The following MED17 variants were observed in gnomAD, a reference collection of about 807,000 sequenced individuals.
MED17 encodes the protein mediator of RNA polymerase II transcription subunit 17.
A neutral mutation model predicts 80.8 loss-of-function variants in MED17; 49 were observed. The observed-to-expected ratio is 0.61, with a 90% CI of 0.48 to 0.77. The LOEUF (loss-of-function observed/expected upper bound fraction) is 0.77, where lower values mean the gene tolerates loss of function less well. MED17 is among the 30% of genes least tolerant of loss of function. The pLI is 0.00. For synonymous variants in MED17, 281 were observed against 280.4 expected (o/e 1.00, Z -0.02); for missense variants, 718 against 787.0 (o/e 0.91, Z 1.05).
chr11:93,809,528 C>T, intron 10 of MED17, 189 bp from the exon 11 acceptor site: 1 of 645,610 alleles, frequency 1.5e-6, no homozygotes, highest in East Asian at 2.8e-5. Flanking sequence ...GCAACTTTAG[C>T]TTTGGCAGTG....
chr11:93,791,610 G>A (rs1224113560), intron 3 of MED17, among the ~76,000 whole-genome samples: 2 of 152,036 alleles, frequency 1.3e-5, no homozygotes, highest in Admixed American at 1.3e-4. Context: ...GGAGGCTGAG[G>A]CAGGATGATC....
At chr11:93,804,195 G>C (rs1298896044) in intron 9 of MED17, among the ~76,000 whole-genome samples, 1 of 151,890 alleles carries the variant, frequency 6.6e-6, no homozygotes, top group East Asian at 1.9e-4. Flanking sequence ...TCAAGGGCAA[G>C]AAGCATCCAG....
intron 2 of MED17, chr11:93,788,636 G>A (rs182416481): frequency 6.7e-6 from 1 of 149,172 alleles, no homozygotes; most frequent in Non-Finnish European, 1.5e-5. Flanking sequence ...AGCTGAGATC[G>A]CGCCACTGCA....
rs1943966811 is a variant in MED17 at position 93,801,905 on chromosome 11, A to G, written c.1399A>G (p.Ile467Val). 6.2e-7 allele frequency: 1 copy of G among 1,613,464 alleles called. No homozygotes were observed. Among genetic ancestry groups the G allele is most frequent in the East Asian group, 2.2e-5 (1 of 44,854 alleles). The change falls in exon 9 of 12, where the codon ATC (isoleucine) becomes GTC (valine). Residue 467 changes from isoleucine (I) to valine (V), a missense_variant. Physicochemically the swap from Ile to Val is conservative, Grantham distance 29. Transcript: ENST00000251871. ...DPQIQAHWSN[I>V]NDVYESSVKV... The stretch of plus-strand genomic sequence containing the variant: ...TCAGATACAGGCTCATTGGTCAAAT[A>G]TCAATGATGTTTATGAATCTAGTGT...
At position 93,790,599 on chromosome 11, in the gene MED17, C is replaced by A. The variant is rs752096341; in HGVS notation, c.443C>A (p.Ser148Tyr). ...AATCCTCAGACGTTGCAATTGATAT[C>A]TAAAAAGAAGTCACTTGCTGGAGCA... ...KQNPQTLQLI[S>Y]KKKSLAGAAQ... Residue 148 changes from serine (S) to tyrosine (Y), a missense_variant, in exon 3 of 12, where the codon TCT becomes TAT. By Grantham distance (144) the Ser-to-Tyr change is moderately radical. Transcript: ENST00000251871. 7.4e-6 allele frequency: 12 copies of A among 1,614,066 alleles called. No homozygotes were observed. Among genetic ancestry groups the A allele is most frequent in the Non-Finnish European group, 9.3e-6 (11 of 1,180,000 alleles).
chr11:93,806,063 C>T (rs1944021860), intron 9 of MED17: 1 of 147,516 alleles, frequency 6.8e-6, no homozygotes, highest in South Asian at 2.2e-4. Context: ...CTCACTGCAA[C>T]CTCTGCCTCC....
intron 7 of MED17, among the ~76,000 whole-genome samples, chr11:93,796,758 G>A (rs779760019): frequency 1.8e-4 from 27 of 152,170 alleles, no homozygotes; most frequent in Admixed American, 8.5e-4. Context: ...AGATACACAG[G>A]TTTTCAAGTA....
At position 93,809,563 on chromosome 11, in the gene MED17, C is replaced by A. The variant is rs534422899; in HGVS notation, c.1585-154C>A. 7.9e-5 allele frequency: 61 copies of A among 773,870 alleles called. 1 individual carries two copies. The African/African-American group carries it at 8.5e-4, about 11-fold the overall frequency. The allele number at this position is 773,870 out of a possible 1,614,324, so 47.9% of individuals were successfully genotyped here. A position where few individuals can be genotyped will look rare whatever the true frequency, so the allele number is the denominator to read the frequency against. ...GGAAGGTGGAGTCCTATTCCCTCCCCCTAAGTTACGCACAGGAGGATTCCT... is the reference window on the plus strand; with the variant it reads ...GGAAGGTGGAGTCCTATTCCCTCCCACTAAGTTACGCACAGGAGGATTCCT... On this transcript the variant is annotated intron_variant, in intron 10 of 11. Transcript: ENST00000251871.
At position 93,788,453 on chromosome 11, in the gene MED17, G is replaced by A. The variant is rs563191988; in HGVS notation, c.417+286G>A. Reference sequence around the variant, plus strand: ...TCCCAGCACTTTGGGAGGCCAAGGCGGGCAGATCACGAGGTCAGGAGATCG... The same window carrying A: ...TCCCAGCACTTTGGGAGGCCAAGGCAGGCAGATCACGAGGTCAGGAGATCG... On this transcript the variant is annotated intron_variant, in intron 2 of 11. Coordinates refer to ENST00000251871, the MANE Select transcript of MED17 (RefSeq NM_004268.5). 56 of 289,218 alleles carry A rather than the reference G, an allele frequency of 1.9e-4. 2 individuals are homozygous for A. Among genetic ancestry groups the A allele is most frequent in the Admixed American group, 1.8e-3 (37 of 20,668 alleles). 17.9% of individuals were successfully genotyped at this position (289,218 alleles called of 1,614,324 possible).
At chr11:93,804,209 G>C (rs893315231) in intron 9 of MED17, among the ~76,000 whole-genome samples, 2 of 151,808 alleles carry the variant, frequency 1.3e-5, no homozygotes, top group Non-Finnish European at 2.9e-5. Flanking sequence ...CATCCAGCAC[G>C]AGAGAAAGAT....
At chr11:93,804,923 T>C (rs1431034787) in intron 9 of MED17, among the ~76,000 whole-genome samples, 4 of 152,232 alleles carry the variant, frequency 2.6e-5, no homozygotes, top group African/African-American at 9.6e-5. Flanking sequence ...AAAAACTATA[T>C]ACAGGAAATG....
chr11:93,787,328 G>A (rs938889051), intron 1 of MED17, among the ~76,000 whole-genome samples: 3 of 152,150 alleles, frequency 2.0e-5, no homozygotes, highest in African/African-American at 7.2e-5. Flanking sequence ...CAGGAGAATG[G>A]CATGAATCCG....
chr11:93,803,975 GTGTGTGTGTGTATATA>G (rs1415438442), intron 9 of MED17, among the ~76,000 whole-genome samples: 63 of 96,778 alleles, frequency 6.5e-4, no homozygotes, highest in African/African-American at 2.8e-3. Context: ...GTGTATATGT[GTGTGTGTGTGTATATA>G]TGTGTGTGTA....
chr11:93,793,604 G>A (rs1375472256), intron 3 of MED17, 124 bp from the exon 4 acceptor site: 2 of 732,724 alleles, frequency 2.7e-6, no homozygotes, highest in African/African-American at 1.8e-5. Flanking sequence ...CAAAACATAT[G>A]TTTTTTAGTG....
intron 1 of MED17, among the ~76,000 whole-genome samples, chr11:93,787,729 A>C (rs1943785205): frequency 6.6e-6 from 1 of 152,222 alleles, no homozygotes. Context: ...AAAGGTTTAC[A>C]TAAATTTGAA....
chr11:93,807,733 G>A (rs1944041565), intron 10 of MED17, 98 bp downstream of exon 10: 13 of 830,480 alleles, frequency 1.6e-5, no homozygotes, highest in Admixed American at 9.3e-5. Context: ...AATTGTGTAA[G>A]AAGAAAAAAA....
At position 93,796,089 on chromosome 11, in the gene MED17, A is replaced by G. The variant is rs145739564; in HGVS notation, c.1013-321A>G. Reference sequence around the variant, plus strand: ...CTCAGCCTCCCAAGCAGCTGGGACTACAGGCACACGCCACCATGCCCAGCT... The same window carrying G: ...CTCAGCCTCCCAAGCAGCTGGGACTGCAGGCACACGCCACCATGCCCAGCT... On this transcript the variant is annotated intron_variant, in intron 6 of 11. Coordinates refer to ENST00000251871, the MANE Select transcript of MED17 (RefSeq NM_004268.5). 1.8e-3 allele frequency: 629 copies of G among 343,030 alleles called. 16 individuals are homozygous for G. The East Asian group carries it at 0.039, about 21-fold the overall frequency. The allele number at this position is 343,030 out of a possible 1,614,324, so 21.2% of individuals were successfully genotyped here.
At chr11:93,790,319 C>T (rs1269245101) in intron 2 of MED17, 1 of 557,550 alleles carries the variant, frequency 1.8e-6, no homozygotes, top group East Asian at 4.1e-5. Context: ...GGGACCCTAA[C>T]AGGCTGGACA....
chr11:93,810,701 A>G (rs1944077307), intron 11 of MED17: 1 of 152,280 alleles, frequency 6.6e-6, no homozygotes, highest in Admixed American at 6.5e-5. Context: ...GAGGAGAAGT[A>G]TTTTATTAAG....
Sources: allele counts gnomAD v4.1 joint callset (sites outside exome capture counted in the v4.1 genomes callset), GRCh38; gene constraint gnomAD v4.1.1; transcripts MANE v1.5; gene names NCBI Gene and HGNC (gene_info 2026-07-23, HGNC 2026-07-21).